MACROD2: variants seen among roughly 807,000 people sequenced by gnomAD.
The protein encoded by MACROD2 is mono-ADP ribosylhydrolase 2, also known as ADP-ribose glycohydrolase MACROD2.
MACROD2 carries 36 observed loss-of-function variants against 70.4 expected under a neutral mutation model. The ratio of observed to expected loss-of-function variants is 0.51; its 90% CI spans 0.39 to 0.68. The LOEUF (loss-of-function observed/expected upper bound fraction) is 0.68. MACROD2 is among the 30% of genes least tolerant of loss of function. The probability of loss-of-function intolerance (pLI) is 0.00; values close to 1 mark genes in which losing one functional copy is unlikely to be tolerated. For synonymous variants in MACROD2, 172 were observed against 178.8 expected (o/e 0.96, Z 0.30); for missense variants, 496 against 538.4 (o/e 0.92, Z 0.78).
intron 5 of MACROD2, among the ~76,000 whole-genome samples, chr20:15,157,349 A>ACCCCCCCCCCCCCCCCCCCCCCCCC (rs71870874): frequency 9.1e-6 from 1 of 109,398 alleles, no homozygotes; most frequent in African/African-American, 3.5e-5. Context: ...CTAATTAACC[A>ACCCCCCCCCCCCCCCCCCCCCCCCC]CCCCCCCCCA....
At chr20:15,571,820 T>C (rs1173507929) in intron 8 of MACROD2, among the ~76,000 whole-genome samples, 1 of 152,182 alleles carries the variant, frequency 6.6e-6, no homozygotes, top group Non-Finnish European at 1.5e-5. Flanking sequence ...GGAAATACGA[T>C]GCTTTACTTT....
At chr20:15,827,934 G>T (rs1231154490) in intron 8 of MACROD2, among the ~76,000 whole-genome samples, 2 of 152,170 alleles carry the variant, frequency 1.3e-5, no homozygotes, top group Admixed American at 1.3e-4. Flanking sequence ...CAGCTGGATG[G>T]TCCAGCTCAC....
intron 8 of MACROD2, among the ~76,000 whole-genome samples, chr20:15,527,778 G>T (rs73897654): frequency 6.6e-6 from 1 of 152,146 alleles, no homozygotes; most frequent in Non-Finnish European, 1.5e-5. Flanking sequence ...GTGCACATGA[G>T]GCCAGGAAAG....
chr20:15,196,042 G>GACAC (rs2076604195), intron 5 of MACROD2, among the ~76,000 whole-genome samples: 1 of 152,092 alleles, frequency 6.6e-6, no homozygotes, highest in Non-Finnish European at 1.5e-5. Flanking sequence ...AAAACACATG[G>GACAC]ACACACGGGG....
intron 5 of MACROD2, among the ~76,000 whole-genome samples, chr20:14,889,431 G>C (rs1407361045): frequency 6.6e-6 from 1 of 152,030 alleles, no homozygotes; most frequent in Admixed American, 6.6e-5. Context: ...AAAAAGGAGA[G>C]CAAACTAAAG....
rs188550631 is a variant in MACROD2, at chr20:15,428,677, G to A, written c.541-2728G>A. ...AATCTACTACTCTTTGTCCAATTTA[G>A]TATATGTGTTTAACTTTAACTGCAT... On this transcript the variant is annotated intron_variant, in intron 6 of 17. Transcript: ENST00000684519. 6.8e-4 allele frequency among the ~76,000 whole-genome samples: 103 copies of A among 152,186 alleles called. 1 individual carries two copies. Among genetic ancestry groups the A allele is most frequent in the African/African-American group, 2.1e-3 (89 of 41,524 alleles).
intron 7 of MACROD2, among the ~76,000 whole-genome samples, chr20:15,432,880 A>G (rs2046380628): frequency 6.6e-6 from 1 of 151,958 alleles, no homozygotes. Flanking sequence ...GGTATACTAT[A>G]AGTAGGGGGG....
intron 5 of MACROD2, among the ~76,000 whole-genome samples, chr20:15,010,518 G>A (rs913807286): frequency 6.6e-6 from 1 of 152,208 alleles, no homozygotes; most frequent in Non-Finnish European, 1.5e-5. Context: ...AATGCAGCGA[G>A]ATGAGAACAA....
At chr20:15,234,826 G>C (rs574997917) in intron 6 of MACROD2, among the ~76,000 whole-genome samples, 6 of 152,184 alleles carry the variant, frequency 3.9e-5, no homozygotes, top group African/African-American at 1.4e-4. Context: ...GCCTAATTTT[G>C]TATCCAATAT....
At chr20:15,076,609 A>C (rs557603037) in intron 5 of MACROD2, among the ~76,000 whole-genome samples, 9 of 152,240 alleles carry the variant, frequency 5.9e-5, no homozygotes, top group African/African-American at 2.2e-4. Context: ...TCTGTAGGAG[A>C]TATAGCTACA....
At chr20:15,357,351 T>G (rs532144878) in intron 6 of MACROD2, among the ~76,000 whole-genome samples, 1 of 152,306 alleles carries the variant, frequency 6.6e-6, no homozygotes, top group East Asian at 1.9e-4. Flanking sequence ...ATTCAATTTT[T>G]TAAAAATAAC....
chr20:15,688,978 A>C (rs753263646), intron 8 of MACROD2, among the ~76,000 whole-genome samples: 1 of 152,226 alleles, frequency 6.6e-6, no homozygotes, highest in African/African-American at 2.4e-5. Flanking sequence ...TGTGCCAGTC[A>C]TTTCGCTGGA....
At chr20:14,609,637 C>T (rs1242378886) in intron 4 of MACROD2, among the ~76,000 whole-genome samples, 1 of 152,092 alleles carries the variant, frequency 6.6e-6, no homozygotes, top group Non-Finnish European at 1.5e-5. Context: ...TATCATTCTT[C>T]TCCCTGCAAA....
At chr20:14,649,662 G>A (rs1213521190) in intron 4 of MACROD2, among the ~76,000 whole-genome samples, 8 of 152,124 alleles carry the variant, frequency 5.3e-5, no homozygotes, top group Non-Finnish European at 1.0e-4. Context: ...TTGGGGGCTG[G>A]CATGTTTATA....
At chr20:14,230,660 A>C (rs1321485079) in intron 3 of MACROD2, among the ~76,000 whole-genome samples, 511 of 43,126 alleles carry the variant, frequency 0.012, 53 homozygotes, top group South Asian at 0.019. Context: ...TATATAACAC[A>C]GGCTGGGCCT....
chr20:14,337,573 C>T, intron 3 of MACROD2: 3 of 398,538 alleles, frequency 7.5e-6, no homozygotes. Flanking sequence ...CACTCCTACA[C>T]TGAGGAGTGA....
intron 5 of MACROD2, among the ~76,000 whole-genome samples, chr20:15,202,492 G>C (rs978505073): frequency 6.6e-6 from 1 of 152,048 alleles, no homozygotes; most frequent in Non-Finnish European, 1.5e-5. Flanking sequence ...CTCAGCCCAT[G>C]GTTTTTACAC....
chr20:14,391,495 G>C (rs560779560), intron 3 of MACROD2, among the ~76,000 whole-genome samples: 4 of 152,004 alleles, frequency 2.6e-5, no homozygotes, highest in South Asian at 2.1e-4. Context: ...AAACAGAGAG[G>C]ATCAGGAAAA....
chr20:15,747,961 G>T (rs572591862), intron 8 of MACROD2, among the ~76,000 whole-genome samples: 3 of 151,970 alleles, frequency 2.0e-5, no homozygotes, highest in South Asian at 4.2e-4. Context: ...GTTTTATAGG[G>T]TTTTGTCCTC....
Sources: allele counts gnomAD v4.1 joint callset (sites outside exome capture counted in the v4.1 genomes callset), GRCh38; gene constraint gnomAD v4.1.1; transcripts MANE v1.5; gene names NCBI Gene and HGNC (gene_info 2026-07-23, HGNC 2026-07-21).